The following WDFY4 variants were observed in gnomAD, a reference collection of about 807,000 sequenced individuals.
WDFY4 encodes WD repeat- and FYVE domain-containing protein 4.
In WDFY4, 169 loss-of-function variants were observed where a neutral mutation model predicts 351.9. The observed-to-expected ratio is 0.48, with a 90% CI of 0.42 to 0.55. The LOEUF (loss-of-function observed/expected upper bound fraction) is 0.55. Among genes scored for constraint, WDFY4 ranks in the 20% least tolerant of loss-of-function variants. WDFY4 has a pLI of 0.00. For missense variants in WDFY4, 3,803 were observed against 3,935.6 expected (o/e 0.97, Z 0.90); for synonymous variants, 1,622 against 1,574.6 (o/e 1.03, Z -0.71).
chr10:48,975,783 T>C (rs1359716206), intron 58 of WDFY4, among the ~76,000 whole-genome samples: 1 of 151,808 alleles, frequency 6.6e-6, no homozygotes, highest in African/African-American at 2.4e-5. Context: ...GACGGGTGGA[T>C]AGATGAGTGG....
chr10:48,748,946 G>A (rs1219157928), intron 12 of WDFY4, among the ~76,000 whole-genome samples: 1 of 151,926 alleles, frequency 6.6e-6, no homozygotes, highest in East Asian at 1.9e-4. Flanking sequence ...TTGGAGTCAG[G>A]CCTGCTTGTT....
intron 51 of WDFY4, among the ~76,000 whole-genome samples, chr10:48,951,687 G>C (rs1841329660): frequency 6.6e-6 from 1 of 152,224 alleles, no homozygotes; most frequent in Admixed American, 6.5e-5. Flanking sequence ...GCTGGAAAAT[G>C]TTATAGTTCT....
intron 47 of WDFY4, among the ~76,000 whole-genome samples, chr10:48,920,260 G>A (rs1352146117): frequency 6.6e-6 from 1 of 151,580 alleles, no homozygotes; most frequent in Admixed American, 6.6e-5. Flanking sequence ...AAAAAAGCTA[G>A]AGCGGACAAA....
chr10:48,710,056 T>A, intron 2 of WDFY4, 90 bp downstream of exon 2: 1 of 1,222,298 alleles, frequency 8.2e-7, no homozygotes, highest in East Asian at 2.6e-5. Context: ...GGTTTTAATG[T>A]CATCCCAAGT....
intron 28 of WDFY4, among the ~76,000 whole-genome samples, chr10:48,809,451 T>C (rs1204896014): frequency 1.3e-5 from 2 of 150,450 alleles, no homozygotes; most frequent in Non-Finnish European, 3.0e-5. Flanking sequence ...ACCACCACCA[T>C]CAGCATCTTC....
intron 35 of WDFY4, 147 bp downstream of exon 35, chr10:48,822,684 G>A (rs983351785): frequency 9.6e-7 from 1 of 1,046,724 alleles, no homozygotes; most frequent in Non-Finnish European, 1.3e-6. Flanking sequence ...TTTAGTCCCA[G>A]GTAATACCTG....
rs189051625 is a variant in WDFY4 at position 48,812,458 on chromosome 10, G to A, written c.5214+750G>A. 5.3e-4 allele frequency among the ~76,000 whole-genome samples: 80 copies of A among 152,050 alleles called. 1 individual carries two copies. In the East Asian group the frequency reaches 0.013, roughly 25 times the overall value. ...ACCCTCCTTGGCCTCCCAAAGTGCT[G>A]GGATTACAGGCGTGACCCACCGCAC... On this transcript the variant is annotated intron_variant, in intron 30 of 61. Coordinates refer to ENST00000325239, the MANE Select transcript of WDFY4 (RefSeq NM_001394531.1).
chr10:48,973,048 C>A (rs566857881), intron 57 of WDFY4, among the ~76,000 whole-genome samples: 1 of 152,184 alleles, frequency 6.6e-6, no homozygotes, highest in Non-Finnish European at 1.5e-5. Flanking sequence ...CGGAAGGCAG[C>A]CAACCTGACC....
intron 1 of WDFY4, among the ~76,000 whole-genome samples, chr10:48,698,005 G>A (rs969651039): frequency 2.0e-5 from 3 of 152,134 alleles, no homozygotes; most frequent in Non-Finnish European, 4.4e-5. Flanking sequence ...ATGCACATTT[G>A]TTCTCCTACG....
At chr10:48,889,706 C>T (rs891744532) in intron 43 of WDFY4, among the ~76,000 whole-genome samples, 9 of 152,142 alleles carry the variant, frequency 5.9e-5, no homozygotes, top group African/African-American at 2.2e-4. Context: ...CTGGGTCATA[C>T]CAAGATATTG....
intron 19 of WDFY4, 76 bp from the exon 20 acceptor site, chr10:48,786,563 T>A: frequency 1.8e-6 from 2 of 1,117,034 alleles, no homozygotes; most frequent in Non-Finnish European, 1.3e-6. Flanking sequence ...AGATGCATCA[T>A]GTTATATCAC....
intron 11 of WDFY4, among the ~76,000 whole-genome samples, chr10:48,742,036 T>C (rs2132409681): frequency 6.6e-6 from 1 of 152,336 alleles, no homozygotes; most frequent in South Asian, 2.1e-4. Flanking sequence ...TGCTTAAATG[T>C]AGCCCCCCCT....
chr10:48,941,008 T>C (rs1178221537), intron 47 of WDFY4, among the ~76,000 whole-genome samples: 3 of 152,222 alleles, frequency 2.0e-5, no homozygotes, highest in Non-Finnish European at 4.4e-5. Flanking sequence ...TAAATACTCA[T>C]ACTTTTTAAC....
At chr10:48,898,092 C>T (rs1837178531) in intron 45 of WDFY4, among the ~76,000 whole-genome samples, 1 of 152,042 alleles carries the variant, frequency 6.6e-6, no homozygotes, top group Non-Finnish European at 1.5e-5. Context: ...CTGCCCCCTC[C>T]AACCAGGATC....
At position 48,914,303 on chromosome 10, in the gene WDFY4, T is replaced by A. The variant is rs191475672; in HGVS notation, c.7586+12440T>A. ...ACTGGGCTCCCCCACGTCATGACGC[T>A]TTGCTCTTCAGTGGTTTAAAAAGCA... On this transcript the variant is annotated intron_variant, in intron 47 of 61. Transcript: ENST00000325239. The A allele has an allele frequency of 2.0e-4, 166 of 840,308 alleles. No individual in the cohort carries two copies. The African/African-American group carries it at 2.6e-3, about 13-fold the overall frequency. The allele number at this position is 840,308 out of a possible 1,614,324, so 52.1% of individuals were successfully genotyped here.
intron 51 of WDFY4, among the ~76,000 whole-genome samples, chr10:48,955,745 CT>C (rs1309030635): frequency 6.6e-6 from 1 of 152,154 alleles, no homozygotes; most frequent in African/African-American, 2.4e-5. Context: ...GGCCCCTGCC[CT>C]TTTTTACCTC....
chr10:48,919,812 A>G (rs140447744), intron 47 of WDFY4, among the ~76,000 whole-genome samples: 167 of 152,292 alleles, frequency 1.1e-3, no homozygotes, highest in Admixed American at 3.3e-3. Context: ...TTTTTGGGGG[A>G]CACAAACATT....
At position 48,774,571 on chromosome 10, in the gene WDFY4, C is replaced by T. The variant is rs1411219920; in HGVS notation, c.2667C>T (p.Ser889=). The change falls in exon 14 of 62, where the codon TCC becomes TCT. Residue 889 remains serine (S), a synonymous_variant. Coordinates refer to ENST00000325239, the MANE Select transcript of WDFY4 (RefSeq NM_001394531.1). The part of the protein sequence containing the change: ...EAGLLGTLMA[S]CHRALVTSGS... Reference sequence around the variant, plus strand: ...GCTTGCTTGGGACCCTCATGGCCTCCTGCCACAGGGCCCTGGTCACCAGTG... The same window carrying T: ...GCTTGCTTGGGACCCTCATGGCCTCTTGCCACAGGGCCCTGGTCACCAGTG... The T allele has an allele frequency of 8.4e-6, 13 of 1,551,652 alleles. No homozygotes were observed. Among genetic ancestry groups the T allele is most frequent in the Non-Finnish European group, 1.1e-5 (13 of 1,146,934 alleles).
At chr10:48,815,702 A>G (rs1589676556) in intron 31 of WDFY4, among the ~76,000 whole-genome samples, 1 of 150,030 alleles carries the variant, frequency 6.7e-6, no homozygotes, top group Admixed American at 6.6e-5. Context: ...ATTATTAGAT[A>G]CCCTTTTAGC....
Sources: gnomAD v4.1 joint callset for allele counts (sites outside exome capture counted in the v4.1 genomes callset) on GRCh38, gnomAD v4.1.1 for gene constraint, MANE v1.5 for transcripts, NCBI Gene and HGNC (gene_info 2026-07-23, HGNC 2026-07-21) for gene names.